The following USP32 variants were observed in gnomAD, a reference collection of about 807,000 sequenced individuals.
USP32 encodes ubiquitin carboxyl-terminal hydrolase 32.
USP32 carries 59 observed loss-of-function variants against 204.8 expected under a neutral mutation model. The ratio of observed to expected loss-of-function variants is 0.29; its 90% CI spans 0.23 to 0.36. USP32 has a LOEUF of 0.36. USP32 is among the 10% of genes least tolerant of loss of function. USP32 has a pLI of 1.00. For missense variants in USP32, 1,160 were observed against 1,946.4 expected, an observed-to-expected ratio of 0.60 and a Z score of 7.60; for synonymous variants, 517 against 678.4, an observed-to-expected ratio of 0.76 and a Z score of 3.70.
At chr17:60,370,426 G>A (rs1419565475) in intron 1 of USP32, among the ~76,000 whole-genome samples, 1 of 152,094 alleles carries the variant, frequency 6.6e-6, no homozygotes, top group Admixed American at 6.5e-5. Flanking sequence ...ACCAAATGCT[G>A]AAAGGGTTTT....
At chr17:60,363,189 T>C (rs1203832697) in intron 1 of USP32, among the ~76,000 whole-genome samples, 1 of 151,732 alleles carries the variant, frequency 6.6e-6, no homozygotes, top group African/African-American at 2.4e-5. Flanking sequence ...GCGCGGTGGC[T>C]CACACCTGTA....
rs145667783 is a variant in USP32, at chr17:60,190,619, C to A, written c.3586G>T (p.Ala1196Ser). ...DRAFIGNAYI[A>S]VDWDPTALHL... is the part of the protein sequence containing the mutation. ...AGGGCTGTGGGATCCCAATCCACAG[C>A]GATATAGGCATTTCCAATGAAAGCT... is the stretch of plus-strand genomic sequence containing the variant. The change falls in exon 29 of 34, where the codon GCT (alanine) becomes TCT (serine). Residue 1196 changes from alanine (A) to serine (S), a missense_variant. Physicochemically the swap from Ala to Ser is moderately conservative, Grantham distance 99. Coordinates refer to ENST00000300896, the MANE Select transcript of USP32 (RefSeq NM_032582.4). 1.2e-6 allele frequency: 2 copies of A among 1,605,340 alleles called. No homozygotes were observed. Among genetic ancestry groups the A allele is most frequent in the Non-Finnish European group, 1.7e-6 (2 of 1,177,530 alleles).
At chr17:60,242,085 T>C (rs2085892346) in intron 11 of USP32, among the ~76,000 whole-genome samples, 1 of 152,226 alleles carries the variant, frequency 6.6e-6, no homozygotes, top group South Asian at 2.1e-4. Flanking sequence ...TGTTTGTGTA[T>C]GGATATCCAA....
In USP32 at chr17:60,213,743, A is replaced by T. The variant is rs974008337; in HGVS notation, c.2023-81T>A. The T allele has an allele frequency of 9.3e-5, 139 of 1,502,526 alleles. 1 individual carries two copies. The highest frequency in any genetic ancestry group is 2.3e-5 in the East Asian group (1 of 43,522). 93.1% of individuals were successfully genotyped at this position (1,502,526 alleles called of 1,614,324 possible). The stretch of plus-strand genomic sequence containing the variant: ...ACAGAGATAAAAATGAGTAACAATT[A>T]AAAAAACAACTTCTTTGTAGTTATA... On this transcript the variant is annotated intron_variant, in intron 17 of 33. Transcript: ENST00000300896.
At chr17:60,250,989 C>T (rs1173846606) in intron 11 of USP32, among the ~76,000 whole-genome samples, 1 of 150,992 alleles carries the variant, frequency 6.6e-6, no homozygotes, top group Non-Finnish European at 1.5e-5. Flanking sequence ...GTCACCCAGG[C>T]TGGAATGCAA....
At chr17:60,265,334 C>T (rs1320966539) in intron 9 of USP32, 78 bp downstream of exon 9, 1 of 963,264 alleles carries the variant, frequency 1.0e-6, no homozygotes, top group Admixed American at 2.2e-5. Flanking sequence ...GAGATTCAAG[C>T]ATGTATATAA....
intron 2 of USP32, among the ~76,000 whole-genome samples, chr17:60,302,655 C>A (rs1394138696): frequency 6.6e-6 from 1 of 152,102 alleles, no homozygotes; most frequent in Non-Finnish European, 1.5e-5. Flanking sequence ...TCCAAGAGTA[C>A]AAAGGTCCTC....
chr17:60,275,096 T>G (rs541621625), intron 5 of USP32, among the ~76,000 whole-genome samples: 1 of 152,328 alleles, frequency 6.6e-6, no homozygotes, highest in South Asian at 2.1e-4. Flanking sequence ...TTGTTCCCTG[T>G]TACAGTCTAA....
At position 60,299,157 on chromosome 17, in the gene USP32, A is replaced by C. The variant is rs183544400; in HGVS notation, c.292+2442T>G. On this transcript the variant is annotated intron_variant, in intron 3 of 33. Transcript: ENST00000300896. ...TCCTCTGTCCCCTATCCCCTCCAAA[A>C]ACAAAAACAAAACCACGTATCAAAA... 2.0e-5 allele frequency among the ~76,000 whole-genome samples: 3 copies of C among 152,276 alleles called. No individual in the cohort carries two copies. In the East Asian group the frequency reaches 5.8e-4, roughly 29 times the overall value.
chr17:60,272,863 A>T (rs1449943487), intron 5 of USP32, among the ~76,000 whole-genome samples: 1 of 152,224 alleles, frequency 6.6e-6, no homozygotes, highest in Non-Finnish European at 1.5e-5. Context: ...AAAGGGCTCC[A>T]GAAATCTGCA....
rs191314060 is a variant in USP32, at chr17:60,266,876, G to A, written c.812-785C>T. Among the ~76,000 whole-genome samples, 100 of 151,710 alleles carry A rather than the reference G, an allele frequency of 6.6e-4. 1 individual carries two copies. The East Asian group carries it at 0.017, about 26-fold the overall frequency. On this transcript the variant is annotated intron_variant, in intron 7 of 33. Coordinates refer to ENST00000300896, the MANE Select transcript of USP32 (RefSeq NM_032582.4). ...TCACTGTGTTAGCCAGGATGGTCTC[G>A]ATCTCCTGACCTTGTGATCAGCCCA... is the stretch of plus-strand genomic sequence containing the variant.
intron 3 of USP32, among the ~76,000 whole-genome samples, chr17:60,298,833 A>T (rs981526927): frequency 2.6e-5 from 4 of 152,220 alleles, no homozygotes; most frequent in African/African-American, 4.8e-5. Context: ...AAACATATAC[A>T]AATGTGTAAC....
intron 1 of USP32, chr17:60,421,900 G>A: frequency 1.0e-6 from 1 of 985,508 alleles, no homozygotes. Flanking sequence ...CCTCCTGTGT[G>A]AAGCGGGACC....
At chr17:60,318,812 A>T (rs751058904) in intron 2 of USP32, among the ~76,000 whole-genome samples, 1 of 152,208 alleles carries the variant, frequency 6.6e-6, no homozygotes, top group Non-Finnish European at 1.5e-5. Context: ...AGATACAAAA[A>T]CGGTAACCTT....
intron 1 of USP32, among the ~76,000 whole-genome samples, chr17:60,371,668 A>T (rs763502495): frequency 2.6e-5 from 4 of 152,202 alleles, no homozygotes; most frequent in Admixed American, 6.5e-5. Flanking sequence ...AGATTAATCC[A>T]CATTGAGATA....
In USP32 at chr17:60,179,390, G is replaced by A; in HGVS notation, c.4680C>T (p.Tyr1560=). ...HPDEIDTDSA[Y]ILFYEQQGID... is the part of the protein sequence containing the mutation. ...TCCCCTGCTGCTCATAGAAAAGAAT[G>A]TAGGCAGAGTCGGTGTCAATTTCAT... Residue 1560 remains tyrosine, a synonymous_variant, in exon 34 of 34, where the codon TAC becomes TAT. Coordinates refer to ENST00000300896, the MANE Select transcript of USP32 (RefSeq NM_032582.4). 5 of 1,612,918 alleles carry A rather than the reference G, an allele frequency of 3.1e-6. No individual in the cohort carries two copies. The highest frequency in any genetic ancestry group is 4.2e-6 in the Non-Finnish European group (5 of 1,179,858).
At chr17:60,199,195 G>A (rs1444654746) in intron 26 of USP32, among the ~76,000 whole-genome samples, 3 of 151,738 alleles carry the variant, frequency 2.0e-5, no homozygotes, top group Admixed American at 6.6e-5. Flanking sequence ...GGGATAAGCT[G>A]TTGATAGTGG....
chr17:60,327,415 C>T (rs1189322539), intron 2 of USP32, among the ~76,000 whole-genome samples: 2 of 13,108 alleles, frequency 1.5e-4, no homozygotes, highest in African/African-American at 3.1e-4. Flanking sequence ...TGGTGGGGGG[C>T]GGGGGGGAGG....
At chr17:60,380,420 T>G (rs1469746070) in intron 1 of USP32, among the ~76,000 whole-genome samples, 1 of 151,832 alleles carries the variant, frequency 6.6e-6, no homozygotes, top group Non-Finnish European at 1.5e-5. Flanking sequence ...ACACAAAAAT[T>G]AGCAGGGCAT....
Sources: allele counts gnomAD v4.1 joint callset (sites outside exome capture counted in the v4.1 genomes callset), GRCh38; gene constraint gnomAD v4.1.1; transcripts MANE v1.5; gene names NCBI Gene and HGNC (gene_info 2026-07-23, HGNC 2026-07-21).